ITPR3: variants seen among roughly 807,000 people sequenced by gnomAD.
The protein encoded by ITPR3 is inositol 1,4,5-trisphosphate receptor type 3, also known as inositol 1,4,5-trisphosphate-gated calcium channel ITPR3.
ITPR3 carries 173 observed loss-of-function variants against 293.2 expected under a neutral mutation model. The observed-to-expected ratio is 0.59, with a 90% confidence interval of 0.52 to 0.67. The LOEUF (loss-of-function observed/expected upper bound fraction) is 0.67, where lower values mean the gene tolerates loss of function less well. Ranked by LOEUF, ITPR3 falls within the 30% of genes least tolerant of loss-of-function variation. The pLI, the probability that ITPR3 is intolerant of heterozygous loss-of-function variation, is 0.00. For synonymous variants in ITPR3, 1,295 were observed against 1,444.4 expected (o/e 0.90, Z 2.35); for missense variants, 2,796 against 3,592.1 (o/e 0.78, Z 5.66).
chr6:33,679,738 C>T lies in ITPR3; in HGVS notation c.3973-144C>T. On this transcript the variant is annotated intron_variant, in intron 30 of 57. Transcript: ENST00000605930. This position sits in a 1 kb window ranked among gnomAD's most constrained non-coding sequence, Gnocchi z 4.2. ...CCTGAGACATCAGCTGGGGAACCCC[C>T]AAATCCCAGCCAGGGGAGGGTTTTC... The T allele has an allele frequency of 9.0e-7, 1 of 1,110,808 alleles. No individual in the cohort carries two copies. 68.8% of individuals were successfully genotyped at this position (1,110,808 alleles called of 1,614,324 possible).
intron 1 of ITPR3, among the ~76,000 whole-genome samples, chr6:33,630,286 C>T (rs992094311): frequency 2.0e-5 from 3 of 152,166 alleles, no homozygotes; most frequent in Admixed American, 1.3e-4. Flanking sequence ...GCCTTTGTTG[C>T]TTTGTTTCCC....
chr6:33,685,546 A>G lies in ITPR3; in HGVS notation c.5482+13A>G. 6.2e-7 allele frequency: 1 copy of G among 1,609,816 alleles called. No homozygotes were observed. The highest frequency in any genetic ancestry group is 8.5e-7 in the Non-Finnish European group (1 of 1,176,628). ...CCCACCACCAAAGGTCAGGGGTCTG[A>G]GGCAGAGGCACGGCGTGACGGGGAT... On this transcript the variant is annotated intron_variant, in intron 40 of 57. Transcript: ENST00000605930.
At position 33,630,074 on chromosome 6, in the gene ITPR3, A is replaced by G. The variant is rs943331261; in HGVS notation, c.89+8383A>G. Among the ~76,000 whole-genome samples the G allele has an allele frequency of 3.9e-5, 6 of 152,046 alleles. 1 individual carries two copies. In the East Asian group the frequency reaches 5.9e-4, roughly 15 times the overall value. Reference sequence around the variant, plus strand: ...CCACTGCACTCCAGCCTGGCAACAGAGTGAGACTCCGTCAAAAAAAAAGAA... The same window carrying G: ...CCACTGCACTCCAGCCTGGCAACAGGGTGAGACTCCGTCAAAAAAAAAGAA... On this transcript the variant is annotated intron_variant, in intron 1 of 57. Transcript: ENST00000605930.
intron 2 of ITPR3, among the ~76,000 whole-genome samples, chr6:33,642,122 C>T (rs114581275): frequency 1.1e-3 from 172 of 152,350 alleles, no homozygotes; most frequent in African/African-American, 3.0e-3. Flanking sequence ...TCCCCAGCGT[C>T]CTCTTGCCCT....
intron 56 of ITPR3, 154 bp from the exon 57 acceptor site, chr6:33,694,770 G>C: frequency 1.1e-6 from 1 of 925,538 alleles, no homozygotes; most frequent in Non-Finnish European, 1.6e-6. Flanking sequence ...GCCCCGGGGA[G>C]GACCAGGTCA....
Position 33,675,078 on chromosome 6 carries a change from G to A in ITPR3, c.3117-613G>A, listed in dbSNP as rs1446387609. Among the ~76,000 whole-genome samples, 1 of 152,120 alleles carries A rather than the reference G, an allele frequency of 6.6e-6. No homozygotes were observed. The highest frequency in any genetic ancestry group is 1.9e-4 in the East Asian group (1 of 5,188). ...TTCTCCATCTCTGTTCATGGGCCCC[G>A]CTTCTATCCATGAATCCCCCGCATG... On this transcript the variant is annotated intron_variant, in intron 24 of 57. Coordinates refer to ENST00000605930, the MANE Select transcript of ITPR3 (RefSeq NM_002224.4). This position sits in a 1 kb window ranked among gnomAD's most constrained non-coding sequence, Gnocchi z 5.0.
At position 33,684,268 on chromosome 6, in the gene ITPR3, T is replaced by TGG; in HGVS notation, c.4938-85_4938-84dup. The TGG allele has an allele frequency of 6.3e-7, 1 of 1,593,300 alleles. No individual in the cohort carries two copies. Among genetic ancestry groups the TGG allele is most frequent in the Non-Finnish European group, 8.6e-7 (1 of 1,164,406 alleles). On this transcript the variant is annotated intron_variant, in intron 36 of 57. Transcript: ENST00000605930. This position sits in a 1 kb window ranked among gnomAD's most constrained non-coding sequence, Gnocchi z 4.2. ...GACAGGCTCACTGGGTCAGAGGGCC[T>TGG]GGGGGTGTTCCTGCCTGGGATGGGG...
At position 33,686,119 on chromosome 6, in the gene ITPR3, G is replaced by C. The variant is rs1357490253; in HGVS notation, c.5734G>C (p.Asp1912His). ...NLVCETLQFL[D>H]IMCGSTTGGL... is the part of the protein sequence containing the mutation. The stretch of plus-strand genomic sequence containing the variant: ...GGTATGCGAGACGCTGCAGTTCCTG[G>C]ACATCATGTGCGGCAGCACCACGGG... Residue 1912 changes from aspartate to histidine, a missense_variant, in exon 42 of 58, where the codon GAC becomes CAC. This residue lies in a region of ITPR3 where 704 missense variants were observed against 797.5 expected (regional missense o/e 0.88). Transcript: ENST00000605930. The C allele has an allele frequency of 6.2e-7, 1 of 1,614,192 alleles. No individual in the cohort carries two copies. The highest frequency in any genetic ancestry group is 1.1e-5 in the South Asian group (1 of 91,090).
rs1764797276 is a variant in ITPR3 at position 33,672,548 on chromosome 6, A to T, written c.2928+320A>T. Among the ~76,000 whole-genome samples the T allele has an allele frequency of 1.3e-5, 2 of 151,844 alleles. No homozygotes were observed. The highest frequency in any genetic ancestry group is 4.2e-4 in the South Asian group (2 of 4,792). On this transcript the variant is annotated intron_variant, in intron 22 of 57. Transcript: ENST00000605930. This position sits in a 1 kb window ranked among gnomAD's most constrained non-coding sequence, Gnocchi z 5.0. ...GCCTGGGTGAGACCCCGTCTCTATT[A>T]AAAAAAATAGTAATAACGATAAATA...
chr6:33,667,230 C>T lies in ITPR3; in HGVS notation c.1653C>T (p.His551=). The part of the protein sequence containing the change: ...LSDQKNAPYQ[H]MFRLCYRVLR... ...ACCAGAAGAACGCCCCCTACCAGCACATGTTCCGCCTGTGCTACCGCGTGT... is the reference window on the plus strand; with the variant it reads ...ACCAGAAGAACGCCCCCTACCAGCATATGTTCCGCCTGTGCTACCGCGTGT... Residue 551 remains histidine (H), a synonymous_variant, in exon 15 of 58, where the codon CAC becomes CAT. Coordinates refer to ENST00000605930, the MANE Select transcript of ITPR3 (RefSeq NM_002224.4). The surrounding 1 kb of genome is among the most constrained non-coding windows in gnomAD (Gnocchi z 4.4). The T allele has an allele frequency of 1.2e-6, 2 of 1,613,922 alleles. No homozygotes were observed. The highest frequency in any genetic ancestry group is 2.2e-5 in the South Asian group (2 of 91,076).
rs1582153145 is a variant in ITPR3, at chr6:33,679,759, T to G, written c.3973-123T>G. On this transcript the variant is annotated intron_variant, in intron 30 of 57. Coordinates refer to ENST00000605930, the MANE Select transcript of ITPR3 (RefSeq NM_002224.4). The surrounding 1 kb of genome is among the most constrained non-coding windows in gnomAD (Gnocchi z 4.2). ...CCCCCAAATCCCAGCCAGGGGAGGG[T>G]TTTCCTGATTTCAGGTAAGGGCTGT... The G allele has an allele frequency of 4.0e-6, 5 of 1,265,614 alleles. No individual in the cohort carries two copies. The highest frequency in any genetic ancestry group is 2.6e-5 in the East Asian group (1 of 39,098). 78.4% of individuals were successfully genotyped at this position (1,265,614 alleles called of 1,614,324 possible).
At position 33,671,298 on chromosome 6, in the gene ITPR3, A is replaced by T. The variant is rs1274925732; in HGVS notation, c.2720A>T (p.Asp907Val). 6.2e-7 allele frequency: 1 copy of T among 1,611,482 alleles called. No individual in the cohort carries two copies. ...CCGGCCATGCTGCAGGCCTATGAGG[A>T]CCCCGGTGGTGAGGCCTTTGCCCGG... Reference protein sequence around the residue: ...GPPAMLQAYEDPGGKNVRRSI... With the variant: ...GPPAMLQAYEVPGGKNVRRSI... Residue 907 changes from aspartate to valine, a missense_variant, in exon 21 of 58, where the codon GAC becomes GTC. Physicochemically the swap from Asp to Val is radical, Grantham distance 152 (BLOSUM62 -3). Coordinates refer to ENST00000605930, the MANE Select transcript of ITPR3 (RefSeq NM_002224.4).
At position 33,692,981 on chromosome 6, in the gene ITPR3, C is replaced by T. The variant is rs901524159; in HGVS notation, c.7624+88C>T. ...GGCAGTAGCGGTTTGGCCCTTCCTG[C>T]CCTGGGGAACCCTGGCCCGGAGCTG... On this transcript the variant is annotated intron_variant, in intron 55 of 57. Transcript: ENST00000605930. This position sits in a 1 kb window ranked among gnomAD's most constrained non-coding sequence, Gnocchi z 4.2. 2 of 1,308,806 alleles carry T rather than the reference C, an allele frequency of 1.5e-6. No homozygotes were observed. Among genetic ancestry groups the T allele is most frequent in the Non-Finnish European group, 2.1e-6 (2 of 937,140 alleles). 81.1% of individuals were successfully genotyped at this position (1,308,806 alleles called of 1,614,324 possible). A position where few individuals can be genotyped will look rare whatever the true frequency, so the allele number is the denominator to read the frequency against.
chr6:33,696,417 T>C lies in ITPR3; in HGVS notation c.*637T>C, dbSNP rs1187594768. The C allele has an allele frequency of 2.6e-5, 4 of 152,772 alleles. No individual in the cohort carries two copies. The highest frequency in any genetic ancestry group is 7.2e-5 in the African/African-American group (3 of 41,410). 9.5% of individuals were successfully genotyped at this position (152,772 alleles called of 1,614,324 possible). A position where few individuals can be genotyped will look rare whatever the true frequency, so the allele number is the denominator to read the frequency against. Reference sequence around the variant, plus strand: ...TCTTCCCAGGCTTCCTGGGGAAGAGTTGTACGCCCAGGCAACAAGGGCTGA... The same window carrying C: ...TCTTCCCAGGCTTCCTGGGGAAGAGCTGTACGCCCAGGCAACAAGGGCTGA... On this transcript the variant is annotated 3_prime_UTR_variant, in exon 58 of 58. Transcript: ENST00000605930.
chr6:33,626,431 T>A (rs1281878736), intron 1 of ITPR3, among the ~76,000 whole-genome samples: 1 of 152,214 alleles, frequency 6.6e-6, no homozygotes, highest in Non-Finnish European at 1.5e-5. Context: ...TTTTAAAAAG[T>A]TCTCCAGGTG....
Position 33,678,745 on chromosome 6 carries a change from A to G in ITPR3, c.3878A>G (p.His1293Arg), listed in dbSNP as rs771046301. 3.1e-6 allele frequency: 5 copies of G among 1,613,574 alleles called. No individual in the cohort carries two copies. Among genetic ancestry groups the G allele is most frequent in the Non-Finnish European group, 2.5e-6 (3 of 1,179,914 alleles). ...CACTTCGTGCACCTGCTGGCCACGCACGGGCGCCATGTGCAGTACCTGGAC... is the reference window on the plus strand; with the variant it reads ...CACTTCGTGCACCTGCTGGCCACGCGCGGGCGCCATGTGCAGTACCTGGAC... ...LQHFVHLLATHGRHVQYLDFL... is the reference protein window; with the variant it reads ...LQHFVHLLATRGRHVQYLDFL... Residue 1293 changes from histidine (H) to arginine (R), a missense_variant, in exon 30 of 58, where the codon CAC becomes CGC. His to Arg is a conservative substitution (Grantham distance 29, BLOSUM62 0). This residue lies in a region of ITPR3 where 344 missense variants were observed against 460.3 expected (regional missense o/e 0.75). Transcript: ENST00000605930.
chr6:33,650,297 A>T (rs540483768), intron 2 of ITPR3, among the ~76,000 whole-genome samples: 1 of 152,322 alleles, frequency 6.6e-6, no homozygotes, highest in South Asian at 2.1e-4. Context: ...GAGTCTACCC[A>T]CTTGTTTATT....
In ITPR3 at chr6:33,687,689, T is replaced by C; in HGVS notation, c.6264+125T>C. The C allele has an allele frequency of 1.3e-6, 1 of 788,210 alleles. No homozygotes were observed. The highest frequency in any genetic ancestry group is 2.1e-6 in the Non-Finnish European group (1 of 484,358). 48.8% of individuals were successfully genotyped at this position (788,210 alleles called of 1,614,324 possible). Reference sequence around the variant, plus strand: ...TATGAGCCAGGCTAGAATTTGGGGGTACAGCTCAGGGGGCTGATTGGGACT... The same window carrying C: ...TATGAGCCAGGCTAGAATTTGGGGGCACAGCTCAGGGGGCTGATTGGGACT... On this transcript the variant is annotated intron_variant, in intron 46 of 57. Coordinates refer to ENST00000605930, the MANE Select transcript of ITPR3 (RefSeq NM_002224.4). The surrounding 1 kb of genome is among the most constrained non-coding windows in gnomAD (Gnocchi z 5.3).
chr6:33,695,669 C>G, intron 57 of ITPR3, 43 bp from the exon 58 acceptor site: 2 of 1,596,474 alleles, frequency 1.3e-6, no homozygotes, highest in Non-Finnish European at 1.7e-6. Flanking sequence ...AGGGAAGGTG[C>G]CAGGCGGCCT....
Sources: allele counts gnomAD v4.1 joint callset (sites outside exome capture counted in the v4.1 genomes callset), GRCh38; gene constraint gnomAD v4.1.1; regional missense constraint gnomAD v4.1.1; non-coding constraint Gnocchi (gnomAD v3.1); transcripts MANE v1.5; gene names NCBI Gene and HGNC (gene_info 2026-07-23, HGNC 2026-07-21).